The following CA10 variants were observed in gnomAD, a reference collection of about 807,000 sequenced individuals.
CA10 encodes the protein carbonic anhydrase 10 (inactive).
A neutral mutation model predicts 44.2 loss-of-function variants in CA10; 14 were observed. The ratio of observed to expected loss-of-function variants is 0.32; its 90% CI spans 0.21 to 0.50. The LOEUF (loss-of-function observed/expected upper bound fraction) is 0.50, where lower values mean the gene tolerates loss of function less well. Ranked by LOEUF, CA10 falls within the 20% of genes least tolerant of loss-of-function variation. The pLI, the probability that CA10 is intolerant of heterozygous loss-of-function variation, is 0.99. For missense variants in CA10, 350 were observed against 409.7 expected (o/e 0.85, Z 1.26); for synonymous variants, 159 against 141.6 (o/e 1.12, Z -0.87).
At chr17:51,659,512 CA>C (rs1350055400) in intron 4 of CA10, among the ~76,000 whole-genome samples, 1 of 152,146 alleles carries the variant, frequency 6.6e-6, no homozygotes, top group African/African-American at 2.4e-5. Flanking sequence ...CCTGACTAAT[CA>C]AAATTCAAAA....
intron 2 of CA10, among the ~76,000 whole-genome samples, chr17:51,983,527 ATTTG>A (rs2144091173): frequency 6.6e-6 from 1 of 151,714 alleles, no homozygotes; most frequent in East Asian, 1.9e-4. Flanking sequence ...GGCAGGTCTT[ATTTG>A]TTTTTGTGAA....
chr17:51,943,397 TAAAAGGTGACTGACC>T (rs1983158264), intron 2 of CA10, among the ~76,000 whole-genome samples: 1 of 152,220 alleles, frequency 6.6e-6, no homozygotes. Context: ...CCTGGGCCTA[TAAAAGGTGACTGACC>T]AAAAGTAAAT....
chr17:51,767,594 G>C (rs536413810), intron 3 of CA10, among the ~76,000 whole-genome samples: 7 of 152,180 alleles, frequency 4.6e-5, no homozygotes, highest in South Asian at 2.1e-4. Context: ...ATCTAGGGGT[G>C]GGGGGACAGC....
chr17:51,663,458 G>A (rs9906611), intron 4 of CA10, among the ~76,000 whole-genome samples: 97,502 of 151,758 alleles, frequency 0.64, 31,548 homozygotes, highest in Middle Eastern at 0.67. Context: ...CCATGCTCCT[G>A]CAACCTCAAA....
intron 3 of CA10, among the ~76,000 whole-genome samples, chr17:51,902,023 C>G (rs926048347): frequency 6.6e-6 from 1 of 152,106 alleles, no homozygotes; most frequent in Non-Finnish European, 1.5e-5. Flanking sequence ...TGCTGGTTCT[C>G]AAAGGTAAAA....
Position 52,022,302 on chromosome 17 carries a change from T to C in CA10, c.136+50017A>G, listed in dbSNP as rs571607025. On this transcript the variant is annotated intron_variant, in intron 2 of 8. Transcript: ENST00000451037. Reference sequence around the variant, plus strand: ...CCTGGGATGCAAGGTTGGTTCAACATCCATAAATCAGTAAATGTGATTCAC... The same window carrying C: ...CCTGGGATGCAAGGTTGGTTCAACACCCATAAATCAGTAAATGTGATTCAC... Among the ~76,000 whole-genome samples the C allele has an allele frequency of 5.5e-4, 83 of 152,132 alleles. 1 individual carries two copies. Among genetic ancestry groups the C allele is most frequent in the African/African-American group, 1.9e-3 (78 of 41,530 alleles).
intron 2 of CA10, among the ~76,000 whole-genome samples, chr17:52,037,832 A>G (rs1265184150): frequency 1.3e-5 from 2 of 152,132 alleles, no homozygotes; most frequent in Non-Finnish European, 2.9e-5. Flanking sequence ...AACTTTTCCT[A>G]AAATAAGGAA....
intron 2 of CA10, among the ~76,000 whole-genome samples, chr17:52,056,585 G>C (rs1383348089): frequency 1.3e-5 from 2 of 152,012 alleles, no homozygotes; most frequent in Admixed American, 6.6e-5. Flanking sequence ...CATTTTATAA[G>C]TGTCCACAGG....
At chr17:52,049,749 C>CA (rs1987006610) in intron 2 of CA10, among the ~76,000 whole-genome samples, 1 of 152,104 alleles carries the variant, frequency 6.6e-6, no homozygotes, top group African/African-American at 2.4e-5. Flanking sequence ...GAAAGTTTCA[C>CA]AAGTGCATCA....
intron 4 of CA10, among the ~76,000 whole-genome samples, chr17:51,657,049 A>T (rs1913821147): frequency 6.6e-6 from 1 of 152,164 alleles, no homozygotes; most frequent in South Asian, 2.1e-4. Flanking sequence ...GAGAAAATAG[A>T]GGTGGAGGTT....
intron 1 of CA10, among the ~76,000 whole-genome samples, chr17:52,125,203 C>T (rs1230583947): frequency 6.6e-6 from 1 of 152,198 alleles, no homozygotes; most frequent in East Asian, 1.9e-4. Flanking sequence ...TGCCTGAGTG[C>T]TTCCGCCATC....
At chr17:52,129,260 A>C (rs562359301) in intron 1 of CA10, among the ~76,000 whole-genome samples, 2 of 152,304 alleles carry the variant, frequency 1.3e-5, no homozygotes, top group East Asian at 3.9e-4. Context: ...TATGTGATCT[A>C]TCATCTCCCT....
chr17:51,652,332 G>A (rs1414806573), intron 5 of CA10, among the ~76,000 whole-genome samples: 2 of 152,222 alleles, frequency 1.3e-5, no homozygotes, highest in Admixed American at 6.5e-5. Flanking sequence ...GAAATCTACT[G>A]TTTATTATTC....
At chr17:51,928,402 T>C (rs758887531) in intron 3 of CA10, among the ~76,000 whole-genome samples, 1 of 152,166 alleles carries the variant, frequency 6.6e-6, no homozygotes, top group African/African-American at 2.4e-5. Flanking sequence ...ATTCTTGTAC[T>C]GAGGTTGAAT....
intron 4 of CA10, among the ~76,000 whole-genome samples, chr17:51,662,136 C>A (rs1375559129): frequency 6.6e-6 from 1 of 152,152 alleles, no homozygotes; most frequent in African/African-American, 2.4e-5. Context: ...GTTGAGAGAA[C>A]CTAAGCATTA....
intron 3 of CA10, among the ~76,000 whole-genome samples, chr17:51,755,761 CA>C (rs1905056846): frequency 1.3e-5 from 2 of 152,260 alleles, no homozygotes; most frequent in South Asian, 4.1e-4. Context: ...ATTAGAAAAC[CA>C]GGTACAGGTC....
At chr17:52,043,859 C>T (rs1449219540) in intron 2 of CA10, among the ~76,000 whole-genome samples, 1 of 152,026 alleles carries the variant, frequency 6.6e-6, no homozygotes, top group African/African-American at 2.4e-5. Flanking sequence ...ATCATGTTTA[C>T]TGACTTCTGT....
At chr17:51,765,759 G>A (rs917538244) in intron 3 of CA10, among the ~76,000 whole-genome samples, 6 of 151,092 alleles carry the variant, frequency 4.0e-5, no homozygotes. Flanking sequence ...AGGGGGGGTT[G>A]GGTATAGACA....
At chr17:51,968,901 AT>A (rs1314117189) in intron 2 of CA10, among the ~76,000 whole-genome samples, 1 of 151,910 alleles carries the variant, frequency 6.6e-6, no homozygotes, top group African/African-American at 2.4e-5. Flanking sequence ...ACACAATCTC[AT>A]TTTTAACCGC....
Sources: allele counts gnomAD v4.1 joint callset (sites outside exome capture counted in the v4.1 genomes callset), GRCh38; gene constraint gnomAD v4.1.1; transcripts MANE v1.5; gene names NCBI Gene and HGNC (gene_info 2026-07-23, HGNC 2026-07-21).